The following KCNIP4 variants were observed in gnomAD, a reference collection of about 807,000 sequenced individuals.
KCNIP4 encodes the protein potassium voltage-gated channel interacting protein 4, also known as Kv channel-interacting protein 4.
A neutral mutation model predicts 34.0 loss-of-function variants in KCNIP4; 12 were observed. That is an observed-to-expected ratio of 0.35 (90% CI 0.23 to 0.57). The LOEUF is 0.57. Among genes scored for constraint, KCNIP4 ranks in the 20% least tolerant of loss-of-function variants. The pLI is 0.83. For synonymous variants in KCNIP4, 124 were observed against 102.2 expected, an observed-to-expected ratio of 1.21 and a Z score of -1.29; for missense variants, 238 against 311.7, an observed-to-expected ratio of 0.76 and a Z score of 1.78.
chr4:21,755,551 T>C (rs942180011), intron 1 of KCNIP4, among the ~76,000 whole-genome samples: 1 of 152,122 alleles, frequency 6.6e-6, no homozygotes, highest in Non-Finnish European at 1.5e-5. Context: ...CCAGGGAAGA[T>C]GTATTAAATG....
intron 1 of KCNIP4, among the ~76,000 whole-genome samples, chr4:20,964,471 T>C (rs893881561): frequency 1.3e-5 from 2 of 152,218 alleles, no homozygotes; most frequent in African/African-American, 2.4e-5. Context: ...TGTGGCAACA[T>C]TCAAAGAAAG....
intron 3 of KCNIP4, among the ~76,000 whole-genome samples, chr4:20,847,263 T>C (rs1021016050): frequency 6.6e-6 from 1 of 152,208 alleles, no homozygotes; most frequent in African/African-American, 2.4e-5. Flanking sequence ...CAGAGGGAAC[T>C]GCCCAAATGA....
intron 1 of KCNIP4, among the ~76,000 whole-genome samples, chr4:21,299,796 C>G (rs1764054597): frequency 6.6e-6 from 1 of 152,130 alleles, no homozygotes. Context: ...AGCACTTCCC[C>G]ACTTCTGTCA....
intron 1 of KCNIP4, among the ~76,000 whole-genome samples, chr4:21,130,042 C>T (rs954390962): frequency 2.6e-5 from 4 of 152,028 alleles, no homozygotes; most frequent in African/African-American, 9.7e-5. Flanking sequence ...CCCGGCAAAA[C>T]GTTTTGACCT....
rs2109024447 is a variant in KCNIP4 at position 21,556,767 on chromosome 4, T to C, written c.61+391804A>G. 2.0e-5 allele frequency among the ~76,000 whole-genome samples: 3 copies of C among 151,006 alleles called. No individual in the cohort carries two copies. In the South Asian group the frequency reaches 6.3e-4, roughly 32 times the overall value. On this transcript the variant is annotated intron_variant, in intron 1 of 8. Transcript: ENST00000382152. ...GAAACCCCATCTTTACTAAAAATTC[T>C]AAAATTAGCCAAGCATAGTGGCAGG...
intron 1 of KCNIP4, among the ~76,000 whole-genome samples, chr4:21,374,282 T>C (rs1188240540): frequency 6.8e-6 from 1 of 147,020 alleles, no homozygotes; most frequent in Non-Finnish European, 1.5e-5. Flanking sequence ...TCCATGTGGC[T>C]GGGGAGGCCT....
intron 1 of KCNIP4, among the ~76,000 whole-genome samples, chr4:21,660,016 A>T (rs563478020): frequency 6.6e-6 from 1 of 152,184 alleles, no homozygotes; most frequent in Non-Finnish European, 1.5e-5. Flanking sequence ...CCTAACACTA[A>T]AAGTTTTCTC....
chr4:21,091,633 A>T (rs1224359609), intron 1 of KCNIP4, among the ~76,000 whole-genome samples: 1 of 152,172 alleles, frequency 6.6e-6, no homozygotes, highest in East Asian at 1.9e-4. Context: ...AAACAACAGA[A>T]ATTTATTTCT....
intron 1 of KCNIP4, among the ~76,000 whole-genome samples, chr4:21,812,761 T>C (rs1213349747): frequency 6.6e-6 from 1 of 152,168 alleles, no homozygotes; most frequent in Non-Finnish European, 1.5e-5. Context: ...GGCTCTTACA[T>C]AATGCTAAGA....
At chr4:21,467,237 T>C (rs1025821014) in intron 1 of KCNIP4, among the ~76,000 whole-genome samples, 4 of 152,258 alleles carry the variant, frequency 2.6e-5, no homozygotes, top group Admixed American at 1.3e-4. Flanking sequence ...ATTTGGTACA[T>C]GGTAGGCATT....
chr4:21,720,003 AAAGAAG>A (rs1206806624), intron 1 of KCNIP4, among the ~76,000 whole-genome samples: 16 of 108,912 alleles, frequency 1.5e-4, no homozygotes, highest in South Asian at 2.8e-4. Context: ...AAGAAAAGAA[AAAGAAG>A]AAGAAGAAGG....
At chr4:20,875,285 T>A (rs924867259) in intron 2 of KCNIP4, among the ~76,000 whole-genome samples, 5 of 152,192 alleles carry the variant, frequency 3.3e-5, no homozygotes, top group African/African-American at 7.2e-5. Flanking sequence ...GCTCCACTGC[T>A]GTGTTCAATC....
chr4:21,344,809 G>C (rs945486103), intron 1 of KCNIP4, among the ~76,000 whole-genome samples: 9 of 152,158 alleles, frequency 5.9e-5, no homozygotes, highest in African/African-American at 2.2e-4. Context: ...CATGTTGTTA[G>C]TAAATGTAGG....
intron 1 of KCNIP4, among the ~76,000 whole-genome samples, chr4:21,455,171 G>C (rs1728822421): frequency 6.6e-6 from 1 of 150,456 alleles, no homozygotes; most frequent in Non-Finnish European, 1.5e-5. Context: ...GATTAGCTTG[G>C]GTCAGATATC....
intron 1 of KCNIP4, among the ~76,000 whole-genome samples, chr4:20,901,146 A>T (rs960111238): frequency 6.6e-6 from 1 of 152,208 alleles, no homozygotes; most frequent in Admixed American, 6.5e-5. Flanking sequence ...TTTCTTTGTG[A>T]GTGCTTTACA....
intron 1 of KCNIP4, among the ~76,000 whole-genome samples, chr4:21,149,350 T>C (rs536754835): frequency 6.6e-6 from 1 of 152,158 alleles, no homozygotes; most frequent in South Asian, 2.1e-4. Flanking sequence ...AAAAACCACA[T>C]AACTGGAGCT....
At chr4:21,713,473 T>G (rs773865694) in intron 1 of KCNIP4, among the ~76,000 whole-genome samples, 5 of 152,232 alleles carry the variant, frequency 3.3e-5, no homozygotes, top group Non-Finnish European at 7.3e-5. Context: ...AAAAAATTAC[T>G]AATACATAAT....
At chr4:21,462,723 A>T (rs1729567786) in intron 1 of KCNIP4, among the ~76,000 whole-genome samples, 1 of 80,000 alleles carries the variant, frequency 1.3e-5, no homozygotes, top group African/African-American at 5.3e-5. Context: ...TATTGTCACA[A>T]ATGATATAGG....
At chr4:21,546,134 A>C (rs966218022) in intron 1 of KCNIP4, among the ~76,000 whole-genome samples, 1 of 152,134 alleles carries the variant, frequency 6.6e-6, no homozygotes, top group African/African-American at 2.4e-5. Flanking sequence ...TTTAATCACA[A>C]GATTAGATTA....
Sources: allele counts gnomAD v4.1 joint callset (sites outside exome capture counted in the v4.1 genomes callset), GRCh38; gene constraint gnomAD v4.1.1; transcripts MANE v1.5; gene names NCBI Gene and HGNC (gene_info 2026-07-23, HGNC 2026-07-21).